ATP13A3: variants seen among roughly 807,000 people sequenced by gnomAD.
ATP13A3 encodes polyamine-transporting ATPase 13A3.
Under a neutral mutation model 158.1 loss-of-function variants are expected in ATP13A3, and 59 were observed. The ratio of observed to expected loss-of-function variants is 0.37; its 90% CI spans 0.30 to 0.46. The LOEUF is 0.46. ATP13A3 is among the 20% of genes least tolerant of loss of function. ATP13A3 has a pLI of 1.00. For synonymous variants in ATP13A3, 491 were observed against 504.3 expected, an observed-to-expected ratio of 0.97 and a Z score of 0.35; for missense variants, 1,166 against 1,525.2, an observed-to-expected ratio of 0.76 and a Z score of 3.92.
At chr3:194,442,010 A>G (rs563399343) in intron 15 of ATP13A3, among the ~76,000 whole-genome samples, 4 of 152,314 alleles carry the variant, frequency 2.6e-5, no homozygotes, top group African/African-American at 9.6e-5. Flanking sequence ...CACACCATAG[A>G]AAAGGTGTTT....
At chr3:194,454,033 T>C (rs1299773472) in intron 9 of ATP13A3, among the ~76,000 whole-genome samples, 1 of 152,188 alleles carries the variant, frequency 6.6e-6, no homozygotes, top group Non-Finnish European at 1.5e-5. Context: ...CTATGGTCTC[T>C]AGACAGTCAA....
At chr3:194,444,697 T>C (rs754974157) in intron 15 of ATP13A3, 28 bp downstream of exon 15, 2 of 1,540,350 alleles carry the variant, frequency 1.3e-6, no homozygotes, top group Non-Finnish European at 1.8e-6. Flanking sequence ...AATAAACTAA[T>C]AAACTATCAA....
upstream of ATP13A3, chr3:194,487,137 G>T (rs1177929901): frequency 6.6e-6 from 1 of 152,096 alleles, no homozygotes; most frequent in African/African-American, 2.4e-5. Context: ...CATCGCCTTT[G>T]CCACCCTCGA....
In ATP13A3 at chr3:194,438,930, G is replaced by A. The variant is rs1717853299; in HGVS notation, c.1753C>T (p.Arg585Ter). ...ATEEETALHNRIMPTVVRPPK... is the reference protein window; with the variant it reads ...ATEEETALHN ...GGACGAACCACTGTGGGCATAATTC[G>A]ATTATGAAGTGCTGTTTCTTCTTCA... Residue 585 changes from arginine to a stop codon, truncating the protein, a stop_gained, in exon 17 of 34, where the codon CGA becomes TGA. Coordinates refer to ENST00000645319, the MANE Select transcript of ATP13A3 (RefSeq NM_001367549.1). LOFTEE classifies it high-confidence loss of function. 6.2e-7 allele frequency: 1 copy of A among 1,607,506 alleles called. No homozygotes were observed. Among genetic ancestry groups the A allele is most frequent in the Non-Finnish European group, 8.5e-7 (1 of 1,176,998 alleles).
chr3:194,487,102 G>T (rs1363352529), upstream of ATP13A3: 1 of 151,986 alleles, frequency 6.6e-6, no homozygotes, highest in East Asian at 1.9e-4. Context: ...GGGAGGGGCG[G>T]GGCGATTTAT....
At chr3:194,480,895 A>T (rs925252840) in intron 2 of ATP13A3, among the ~76,000 whole-genome samples, 7 of 152,242 alleles carry the variant, frequency 4.6e-5, no homozygotes, top group Non-Finnish European at 8.8e-5. Context: ...TTCACCTGTC[A>T]AAACGGTCTC....
intron 15 of ATP13A3, among the ~76,000 whole-genome samples, chr3:194,443,038 T>TAAAA (rs11426254): frequency 1.4e-5 from 2 of 140,766 alleles, no homozygotes; most frequent in East Asian, 4.0e-4. Flanking sequence ...TGCTTTCACT[T>TAAAA]AAAAAAAAAA....
chr3:194,453,584 G>GAA, intron 10 of ATP13A3, 122 bp downstream of exon 10: 1 of 770,270 alleles, frequency 1.3e-6, no homozygotes, highest in Non-Finnish European at 2.1e-6. Flanking sequence ...AAGTGACAGA[G>GAA]ACACTGACTC....
Position 194,460,813 on chromosome 3 carries a change from A to C in ATP13A3, c.70T>G (p.Leu24Val), listed in dbSNP as rs181805829. 6.7e-4 allele frequency: 1,081 copies of C among 1,614,004 alleles called. 16 individuals are homozygous for C. The South Asian group carries it at 0.01, about 15-fold the overall frequency. Residue 24 changes from leucine (L) to valine (V), a missense_variant, in exon 4 of 34, where the codon TTG becomes GTG. By Grantham distance (32) the Leu-to-Val change is conservative. This residue lies in a region of ATP13A3 where 65 missense variants were observed against 92.4 expected (regional missense o/e 0.70). Transcript: ENST00000645319. ...ACTATGGCAAGCTTCCAGCGACTCAAATTGTAACCATAAATCTCCTGCATG... is the reference window on the plus strand; with the variant it reads ...ACTATGGCAAGCTTCCAGCGACTCACATTGTAACCATAAATCTCCTGCATG... ...EDEMEIYGYN[L>V]SRWKLAIVSL...
At chr3:194,431,596 C>A in intron 22 of ATP13A3, 121 bp downstream of exon 22, 1 of 1,009,386 alleles carries the variant, frequency 9.9e-7, no homozygotes, top group South Asian at 2.4e-5. Flanking sequence ...GAAAAAATAG[C>A]CCTGACTTCT....
At position 194,450,182 on chromosome 3, in the gene ATP13A3, A is replaced by G; in HGVS notation, c.933T>C (p.Ile311=). Residue 311 remains isoleucine (I), a synonymous_variant, in exon 11 of 34, where the codon ATT becomes ATC. Transcript: ENST00000645319. ...GTIMPCDAVL[I]NGTCIVNESM... The stretch of plus-strand genomic sequence containing the variant: ...TTTCGTTTACAATGCAGGTACCATT[A>G]ATAAGCACAGCATCACAAGGCATTA... 6.2e-7 allele frequency: 1 copy of G among 1,614,012 alleles called. No homozygotes were observed. The highest frequency in any genetic ancestry group is 8.5e-7 in the Non-Finnish European group (1 of 1,179,918).
At chr3:194,429,825 C>G in intron 26 of ATP13A3, 51 bp from the exon 27 acceptor site, 1 of 1,487,204 alleles carries the variant, frequency 6.7e-7, no homozygotes, top group South Asian at 1.2e-5. Context: ...TTTTAAACTC[C>G]TTTTCCAAAC....
intron 2 of ATP13A3, among the ~76,000 whole-genome samples, chr3:194,484,106 A>C (rs1720869015): frequency 6.6e-6 from 1 of 152,184 alleles, no homozygotes; most frequent in Non-Finnish European, 1.5e-5. Context: ...AGGTTCAGAG[A>C]TGTTATGTTG....
chr3:194,448,769 C>CTGAGAGTTGTATATGTGGA lies in ATP13A3; in HGVS notation c.971-152_971-134dup. ...GCTACCATACTGTTTACAATAATCA[C>CTGAGAGTTGTATATGTGGA]TGAGAGTTGTATATGTGGACAACAT... is the stretch of plus-strand genomic sequence containing the variant. On this transcript the variant is annotated intron_variant, in intron 11 of 33. Transcript: ENST00000645319. The surrounding 1 kb of genome is among the most constrained non-coding windows in gnomAD (Gnocchi z 4.0). 1 of 948,146 alleles carries CTGAGAGTTGTATATGTGGA rather than the reference C, an allele frequency of 1.1e-6. No homozygotes were observed. Among genetic ancestry groups the CTGAGAGTTGTATATGTGGA allele is most frequent in the Non-Finnish European group, 1.5e-6 (1 of 665,966 alleles). The allele number at this position is 948,146 out of a possible 1,614,324, so 58.7% of individuals were successfully genotyped here. A position where few individuals can be genotyped will look rare whatever the true frequency, so the allele number is the denominator to read the frequency against.
Position 194,425,723 on chromosome 3 carries a change from C to T in ATP13A3, c.3126-194G>A, listed in dbSNP as rs1475052797. Among the ~76,000 whole-genome samples, 4 of 152,106 alleles carry T rather than the reference C, an allele frequency of 2.6e-5. No homozygotes were observed. In the East Asian group the frequency reaches 5.8e-4, roughly 22 times the overall value. ...AGTATGAAGGGTTTTCTCTTCAGTC[C>T]GACATCTCAACCACTTAAAAAATTA... On this transcript the variant is annotated intron_variant, in intron 29 of 33. Coordinates refer to ENST00000645319, the MANE Select transcript of ATP13A3 (RefSeq NM_001367549.1).
At chr3:194,476,877 T>C (rs903478881) in intron 2 of ATP13A3, among the ~76,000 whole-genome samples, 1 of 151,830 alleles carries the variant, frequency 6.6e-6, no homozygotes, top group African/African-American at 2.4e-5. Context: ...TGTATTTCCC[T>C]GCCATGAGGA....
intron 15 of ATP13A3, among the ~76,000 whole-genome samples, chr3:194,442,795 G>C (rs138176815): frequency 1.5e-4 from 23 of 152,142 alleles, no homozygotes; most frequent in African/African-American, 5.3e-4. Context: ...CAGAAATTAA[G>C]GGTGAAGAAA....
chr3:194,488,900 A>G (rs1157555334), upstream of ATP13A3, among the ~76,000 whole-genome samples: 2 of 152,198 alleles, frequency 1.3e-5, no homozygotes, highest in East Asian at 3.8e-4. This position sits in a 1 kb window ranked among gnomAD's most constrained non-coding sequence, Gnocchi z 4.1. Flanking sequence ...CCCTTCCACA[A>G]AATTTAGAAC....
At chr3:194,411,810 T>C (rs926143301) in intron 33 of ATP13A3, among the ~76,000 whole-genome samples, 4 of 152,196 alleles carry the variant, frequency 2.6e-5, no homozygotes, top group African/African-American at 9.7e-5. Context: ...ATTGCAAACT[T>C]TGTTTATATA....
Sources: gnomAD v4.1 joint callset for allele counts (sites outside exome capture counted in the v4.1 genomes callset) on GRCh38, gnomAD v4.1.1 for gene constraint, gnomAD v4.1.1 regional missense constraint, Gnocchi (gnomAD v3.1) non-coding constraint, MANE v1.5 for transcripts, NCBI Gene and HGNC (gene_info 2026-07-23, HGNC 2026-07-21) for gene names.